STAT4: variants seen among roughly 807,000 people sequenced by gnomAD.
STAT4 encodes signal transducer and activator of transcription 4.
Under a neutral mutation model 110.5 loss-of-function variants are expected in STAT4, and 42 were observed. The ratio of observed to expected loss-of-function variants is 0.38; its 90% confidence interval spans 0.30 to 0.49. The LOEUF is 0.49. Ranked by LOEUF, STAT4 falls within the 20% of genes least tolerant of loss-of-function variation. The pLI, the probability that STAT4 is intolerant of heterozygous loss-of-function variation, is 0.95. For missense variants in STAT4, 632 were observed against 887.9 expected, an observed-to-expected ratio of 0.71 and a Z score of 3.66; for synonymous variants, 284 against 302.2, an observed-to-expected ratio of 0.94 and a Z score of 0.63.
chr2:191,084,002 G>A (rs912205223), intron 3 of STAT4, among the ~76,000 whole-genome samples: 2 of 152,066 alleles, frequency 1.3e-5, no homozygotes, highest in African/African-American at 2.4e-5. Context: ...GGTGGCTCAC[G>A]CCTGTAATTC....
chr2:191,085,581 ATTGTG>A (rs1697614650), intron 3 of STAT4, among the ~76,000 whole-genome samples: 1 of 152,158 alleles, frequency 6.6e-6, no homozygotes, highest in Non-Finnish European at 1.5e-5. Flanking sequence ...TTCCTTGGCA[ATTGTG>A]TCTTTAACTG....
In STAT4 at chr2:191,033,174, T is replaced by C; in HGVS notation, c.1853-25A>G. 1 of 1,608,590 alleles carries C rather than the reference T, an allele frequency of 6.2e-7. No individual in the cohort carries two copies. The highest frequency in any genetic ancestry group is 8.5e-7 in the Non-Finnish European group (1 of 1,176,850). Reference sequence around the variant, plus strand: ...CCTTGAAAAACAGAAATTGGAGAAATATACAGGTTCCTGTACACATTCCTT... The same window carrying C: ...CCTTGAAAAACAGAAATTGGAGAAACATACAGGTTCCTGTACACATTCCTT... On this transcript the variant is annotated intron_variant, in intron 20 of 23. Coordinates refer to ENST00000392320, the MANE Select transcript of STAT4 (RefSeq NM_003151.4). This position sits in a 1 kb window ranked among gnomAD's most constrained non-coding sequence, Gnocchi z 6.9.
chr2:191,098,326 TG>T (rs1423785356), intron 3 of STAT4, among the ~76,000 whole-genome samples: 1 of 152,212 alleles, frequency 6.6e-6, no homozygotes, highest in Non-Finnish European at 1.5e-5. Context: ...GTGTTTACTG[TG>T]GCACTATTCA....
intron 3 of STAT4, among the ~76,000 whole-genome samples, chr2:191,120,504 C>A (rs1559075802): frequency 6.6e-6 from 1 of 152,074 alleles, no homozygotes; most frequent in African/African-American, 2.4e-5. Context: ...GGTGACAGAG[C>A]AAAACCTTGT....
At chr2:191,114,887 C>T (rs187333996) in intron 3 of STAT4, among the ~76,000 whole-genome samples, 40 of 152,252 alleles carry the variant, frequency 2.6e-4, no homozygotes, top group African/African-American at 7.9e-4. Context: ...TTCCTACCCT[C>T]GCAGGCAAAA....
chr2:191,052,668 T>C (rs2125200782), intron 14 of STAT4, among the ~76,000 whole-genome samples: 1 of 131,548 alleles, frequency 7.6e-6, no homozygotes, highest in African/African-American at 3.0e-5. Context: ...TAAGACAAGT[T>C]CAGGATAATG....
intron 3 of STAT4, among the ~76,000 whole-genome samples, chr2:191,087,158 T>A (rs1174261230): frequency 1.3e-5 from 2 of 152,198 alleles, no homozygotes; most frequent in Non-Finnish European, 2.9e-5. Context: ...TGATCTATTC[T>A]CAGGACTAAT....
At position 191,031,400 on chromosome 2, in the gene STAT4, A is replaced by G. The variant is rs1695888548; in HGVS notation, c.2111+50T>C. ...ACTCTGCTCTACCTTTAAATCTCCT[A>G]TAGGAAAGCTTTTTATAAAAATATT... On this transcript the variant is annotated intron_variant, in intron 22 of 23. Coordinates refer to ENST00000392320, the MANE Select transcript of STAT4 (RefSeq NM_003151.4). The surrounding 1 kb of genome is among the most constrained non-coding windows in gnomAD (Gnocchi z 4.8). The G allele has an allele frequency of 6.4e-7, 1 of 1,573,112 alleles. No homozygotes were observed. The highest frequency in any genetic ancestry group is 8.7e-7 in the Non-Finnish European group (1 of 1,150,448).
chr2:191,128,636 A>G (rs1483608452), intron 3 of STAT4, among the ~76,000 whole-genome samples: 1 of 152,190 alleles, frequency 6.6e-6, no homozygotes, highest in East Asian at 1.9e-4. Context: ...CCATACCCAA[A>G]TGACCCCTAA....
chr2:191,111,672 G>C (rs932627104), intron 3 of STAT4, among the ~76,000 whole-genome samples: 12 of 152,178 alleles, frequency 7.9e-5, no homozygotes, highest in African/African-American at 2.9e-4. Context: ...GGGCAACATA[G>C]TAAGACCCTA....
intron 3 of STAT4, among the ~76,000 whole-genome samples, chr2:191,119,857 A>G (rs1188610344): frequency 6.6e-6 from 1 of 152,208 alleles, no homozygotes; most frequent in Admixed American, 6.5e-5. Context: ...CACATAAATA[A>G]AAGTCCCCAG....
At chr2:191,094,799 T>C (rs1053568237) in intron 3 of STAT4, among the ~76,000 whole-genome samples, 2 of 151,560 alleles carry the variant, frequency 1.3e-5, no homozygotes, top group East Asian at 1.9e-4. Context: ...GACTGGCAAA[T>C]TGGATAAAGA....
chr2:191,149,985 A>G (rs957304211), intron 1 of STAT4, among the ~76,000 whole-genome samples: 15 of 152,220 alleles, frequency 9.9e-5, no homozygotes, highest in African/African-American at 3.6e-4. Context: ...CAAAAAGCTA[A>G]GAGGATTTTG....
At position 191,108,103 on chromosome 2, in the gene STAT4, C is replaced by T. The variant is rs1698328970; in HGVS notation, c.274-31778G>A. Among the ~76,000 whole-genome samples the T allele has an allele frequency of 3.9e-5, 6 of 151,974 alleles. No individual in the cohort carries two copies. In the South Asian group the frequency reaches 1.2e-3, roughly 32 times the overall value. ...GTCAGGAGTTCAAGACCAGCCAGGT[C>T]AACATGGCGAAACCCCATCTCTACT... is the stretch of plus-strand genomic sequence containing the variant. On this transcript the variant is annotated intron_variant, in intron 3 of 23. Transcript: ENST00000392320.
intron 4 of STAT4, among the ~76,000 whole-genome samples, 194 bp from the exon 5 acceptor site, chr2:191,073,384 A>G (rs1697219899): frequency 2.0e-5 from 3 of 152,214 alleles, no homozygotes; most frequent in African/African-American, 7.2e-5. Flanking sequence ...ACTAGAGCAG[A>G]TTATAAAAAT....
intron 3 of STAT4, among the ~76,000 whole-genome samples, chr2:191,105,284 A>G (rs1698248149): frequency 6.6e-6 from 1 of 152,162 alleles, no homozygotes. Context: ...TCCAAGATGA[A>G]TCATGCCATT....
intron 3 of STAT4, among the ~76,000 whole-genome samples, chr2:191,134,647 C>A (rs1699129442): frequency 6.6e-6 from 1 of 152,118 alleles, no homozygotes; most frequent in Non-Finnish European, 1.5e-5. Context: ...AGAATCAAAG[C>A]CAAAGTATAC....
chr2:191,074,347 G>T (rs1459212988), intron 4 of STAT4, among the ~76,000 whole-genome samples: 1 of 152,156 alleles, frequency 6.6e-6, no homozygotes, highest in Non-Finnish European at 1.5e-5. Flanking sequence ...CTTGACTCTT[G>T]ATCAGATGTT....
At chr2:191,040,499 A>C (rs975249459) in intron 15 of STAT4, among the ~76,000 whole-genome samples, 8 of 152,200 alleles carry the variant, frequency 5.3e-5, no homozygotes, top group Admixed American at 3.9e-4. Context: ...GAACTTGAGC[A>C]ACAAATTATT....
Sources: gnomAD v4.1 joint callset for allele counts (sites outside exome capture counted in the v4.1 genomes callset) on GRCh38, gnomAD v4.1.1 for gene constraint, Gnocchi (gnomAD v3.1) non-coding constraint, MANE v1.5 for transcripts, NCBI Gene and HGNC (gene_info 2026-07-23, HGNC 2026-07-21) for gene names.